Variants in RNF169 observed in about 807,000 individuals in gnomAD.
The protein encoded by RNF169 is ring finger protein 169.
Under a neutral mutation model 53.9 loss-of-function variants are expected in RNF169, and 24 were observed. That is an observed-to-expected ratio of 0.45 (90% CI 0.32 to 0.63). The LOEUF (loss-of-function observed/expected upper bound fraction) is 0.63. Among genes scored for constraint, RNF169 ranks in the 20% least tolerant of loss-of-function variants. The pLI is 0.04. For synonymous variants in RNF169, 396 were observed against 363.5 expected (o/e 1.09, Z -1.02); for missense variants, 883 against 906.2 (o/e 0.97, Z 0.33).
intron 2 of RNF169, among the ~76,000 whole-genome samples, chr11:74,800,226 T>C (rs1201103203): frequency 2.6e-5 from 4 of 152,170 alleles, no homozygotes; most frequent in African/African-American, 9.7e-5. Flanking sequence ...TCAGTGATGA[T>C]TGTTCCTCTA....
At chr11:74,776,819 A>AATAT (rs920934572) in intron 1 of RNF169, among the ~76,000 whole-genome samples, 1 of 152,204 alleles carries the variant, frequency 6.6e-6, no homozygotes, top group Non-Finnish European at 1.5e-5. Flanking sequence ...TGGCATATAT[A>AATAT]AAGTCCTAGT....
rs181079285 is a variant in RNF169, at chr11:74,828,083, C to T, written c.843-6593C>T. Among the ~76,000 whole-genome samples, 702 of 152,188 alleles carry T rather than the reference C, an allele frequency of 4.6e-3. 13 individuals are homozygous for T. Among genetic ancestry groups the T allele is most frequent in the Non-Finnish European group, 3.3e-3 (225 of 68,004 alleles). Reference sequence around the variant, plus strand: ...TGACATGATTCTATATCTAGAAAACCCCATTGTCCCAGCCCAAAAGCTTAT... The same window carrying T: ...TGACATGATTCTATATCTAGAAAACTCCATTGTCCCAGCCCAAAAGCTTAT... On this transcript the variant is annotated intron_variant, in intron 4 of 5. Coordinates refer to ENST00000299563, the MANE Select transcript of RNF169 (RefSeq NM_001098638.2).
At chr11:74,775,139 A>G (rs940333903) in intron 1 of RNF169, among the ~76,000 whole-genome samples, 4 of 152,202 alleles carry the variant, frequency 2.6e-5, no homozygotes, top group Non-Finnish European at 4.4e-5. Flanking sequence ...TCATGTTTGT[A>G]TTTTAGATTT....
At chr11:74,791,594 T>A (rs1349674236) in intron 2 of RNF169, among the ~76,000 whole-genome samples, 1 of 152,164 alleles carries the variant, frequency 6.6e-6, no homozygotes, top group African/African-American at 2.4e-5. Context: ...TCACCATGAG[T>A]CTGCTCTCAC....
chr11:74,787,914 C>A (rs181111958), intron 1 of RNF169, among the ~76,000 whole-genome samples: 13 of 152,210 alleles, frequency 8.5e-5, no homozygotes, highest in African/African-American at 3.1e-4. Context: ...GTATTTAGAA[C>A]TTTTTATTCT....
chr11:74,758,540 C>G (rs926904733), intron 1 of RNF169, among the ~76,000 whole-genome samples: 1 of 151,102 alleles, frequency 6.6e-6, no homozygotes, highest in Non-Finnish European at 1.5e-5. Flanking sequence ...CTCGCTCTGT[C>G]ACCCAGGCTG....
At chr11:74,812,819 G>A (rs1300277938) in intron 3 of RNF169, among the ~76,000 whole-genome samples, 1 of 152,122 alleles carries the variant, frequency 6.6e-6, no homozygotes, top group East Asian at 1.9e-4. Flanking sequence ...AAATTTTAAT[G>A]ACTCCTCTTT....
At chr11:74,795,086 G>A (rs1204248393) in intron 2 of RNF169, among the ~76,000 whole-genome samples, 1 of 152,026 alleles carries the variant, frequency 6.6e-6, no homozygotes, top group Non-Finnish European at 1.5e-5. Flanking sequence ...GATAACAGGT[G>A]TGAGCCACCA....
chr11:74,789,750 C>A, intron 2 of RNF169, 51 bp downstream of exon 2: 1 of 1,217,894 alleles, frequency 8.2e-7, no homozygotes, highest in Non-Finnish European at 1.2e-6. Flanking sequence ...GAAATAATGA[C>A]ATTAAAGAAT....
chr11:74,792,917 C>T (rs528416310), intron 2 of RNF169, among the ~76,000 whole-genome samples: 140 of 152,256 alleles, frequency 9.2e-4, no homozygotes, highest in African/African-American at 3.1e-3. Flanking sequence ...AGTTAGCTAC[C>T]GGTCCATCTC....
chr11:74,821,982 AAAG>A (rs1402881787), intron 4 of RNF169, among the ~76,000 whole-genome samples: 1 of 152,248 alleles, frequency 6.6e-6, no homozygotes, highest in African/African-American at 2.4e-5. Flanking sequence ...ACCAAGGTCT[AAAG>A]AAGCTTCTGG....
At chr11:74,789,478 C>A in intron 1 of RNF169, 148 bp from the exon 2 acceptor site, 1 of 495,794 alleles carries the variant, frequency 2.0e-6, no homozygotes, top group East Asian at 3.0e-5. Context: ...CTTTCCTCTA[C>A]CTTTTTGATA....
Position 74,837,345 on chromosome 11 carries a change from A to G in RNF169, c.*615A>G, listed in dbSNP as rs2036272555. 1 of 152,290 alleles carries G rather than the reference A, an allele frequency of 6.6e-6. No homozygotes were observed. The highest frequency in any genetic ancestry group is 2.4e-5 in the African/African-American group (1 of 41,456). The allele number at this position is 152,290 out of a possible 1,614,324, so 9.4% of individuals were successfully genotyped here. A position where few individuals can be genotyped will look rare whatever the true frequency, so the allele number is the denominator to read the frequency against. ...AGACCTTATTAATTTAGTCTTTCCA[A>G]GAGACCTCTCATGTAACTGGCATTA... On this transcript the variant is annotated 3_prime_UTR_variant, in exon 6 of 6. Coordinates refer to ENST00000299563, the MANE Select transcript of RNF169 (RefSeq NM_001098638.2).
intron 1 of RNF169, among the ~76,000 whole-genome samples, chr11:74,784,432 G>A (rs1024352045): frequency 6.6e-6 from 1 of 152,194 alleles, no homozygotes; most frequent in Non-Finnish European, 1.5e-5. Context: ...ATTTATTACA[G>A]TGAAAAGACA....
chr11:74,799,053 C>CAAAA (rs1375240350), intron 2 of RNF169, among the ~76,000 whole-genome samples: 4 of 110,140 alleles, frequency 3.6e-5, no homozygotes, highest in African/African-American at 1.1e-4. Flanking sequence ...GACCCCGTCT[C>CAAAA]AAAAAAAGAA....
chr11:74,752,040 T>G (rs2034903674), intron 1 of RNF169, among the ~76,000 whole-genome samples: 1 of 151,330 alleles, frequency 6.6e-6, no homozygotes, highest in Non-Finnish European at 1.5e-5. Context: ...GAGACCAGTC[T>G]GGCCAACATG....
At chr11:74,755,425 A>G (rs760496050) in intron 1 of RNF169, among the ~76,000 whole-genome samples, 14 of 152,224 alleles carry the variant, frequency 9.2e-5, no homozygotes, top group Non-Finnish European at 1.6e-4. Context: ...GCTTGAGTAT[A>G]TGATGTAGGA....
chr11:74,752,264 G>C (rs933433097), intron 1 of RNF169, among the ~76,000 whole-genome samples: 2 of 131,236 alleles, frequency 1.5e-5, no homozygotes, highest in Non-Finnish European at 3.3e-5. Context: ...GGAAAAAAAA[G>C]AAGTGATTCT....
At chr11:74,754,889 C>T (rs2034958276) in intron 1 of RNF169, among the ~76,000 whole-genome samples, 1 of 152,204 alleles carries the variant, frequency 6.6e-6, no homozygotes, top group Non-Finnish European at 1.5e-5. Flanking sequence ...TATCCCTTCT[C>T]ATCCCATCTC....
Sources: allele counts gnomAD v4.1 joint callset (sites outside exome capture counted in the v4.1 genomes callset), GRCh38; gene constraint gnomAD v4.1.1; transcripts MANE v1.5; gene names NCBI Gene and HGNC (gene_info 2026-07-23, HGNC 2026-07-21).